The following IMMP1L variants were observed in gnomAD, a reference collection of about 807,000 sequenced individuals.
IMMP1L encodes the protein mitochondrial inner membrane protease subunit 1.
IMMP1L carries 24 observed loss-of-function variants against 21.8 expected under a neutral mutation model. The observed-to-expected ratio is 1.10, with a 90% confidence interval of 0.80 to 1.55. The LOEUF is 1.55. Ranked by LOEUF, IMMP1L falls within the 40% of genes most tolerant of loss-of-function variation. The probability of loss-of-function intolerance (pLI) is 0.00; values close to 1 mark genes in which losing one functional copy is unlikely to be tolerated. For missense variants in IMMP1L, 195 were observed against 200.7 expected (o/e 0.97, Z 0.17); for synonymous variants, 46 against 62.8 (o/e 0.73, Z 1.26).
intron 4 of IMMP1L, chr11:31,437,071 C>T (rs978225324): frequency 2.2e-5 from 9 of 412,236 alleles, no homozygotes; most frequent in Middle Eastern, 3.6e-4. Context: ...AAAACCTCTA[C>T]GTACAGATCT....
intron 1 of IMMP1L, among the ~76,000 whole-genome samples, chr11:31,506,566 T>C (rs1266980522): frequency 1.3e-5 from 2 of 151,900 alleles, no homozygotes; most frequent in Non-Finnish European, 2.9e-5. Flanking sequence ...CCATGAATAC[T>C]TTATTTATTC....
intron 1 of IMMP1L, among the ~76,000 whole-genome samples, chr11:31,470,656 T>C (rs951916874): frequency 6.6e-6 from 1 of 152,292 alleles, no homozygotes; most frequent in South Asian, 2.1e-4. Flanking sequence ...ATCAGTATGT[T>C]GAAGAGATGT....
intron 1 of IMMP1L, among the ~76,000 whole-genome samples, chr11:31,507,810 G>C (rs1030044845): frequency 6.6e-6 from 1 of 152,178 alleles, no homozygotes; most frequent in Non-Finnish European, 1.5e-5. Context: ...TTAAAAAAAT[G>C]TAAACAGTGT....
At chr11:31,449,570 T>G (rs1406987511) in intron 4 of IMMP1L, among the ~76,000 whole-genome samples, 1 of 152,204 alleles carries the variant, frequency 6.6e-6, no homozygotes, top group Non-Finnish European at 1.5e-5. Context: ...TACATCCTGA[T>G]AACACTTAAT....
At chr11:31,473,413 G>A (rs1426240421) in intron 1 of IMMP1L, among the ~76,000 whole-genome samples, 2 of 152,122 alleles carry the variant, frequency 1.3e-5, no homozygotes, top group Non-Finnish European at 2.9e-5. Context: ...ACTATTCAAA[G>A]TCATGCAGCT....
chr11:31,459,824 A>G (rs905806951), intron 3 of IMMP1L, among the ~76,000 whole-genome samples: 2 of 152,098 alleles, frequency 1.3e-5, no homozygotes, highest in Non-Finnish European at 2.9e-5. Context: ...AATATATACA[A>G]TTCCTGGTTC....
At chr11:31,500,298 C>T (rs1022346031) in intron 1 of IMMP1L, among the ~76,000 whole-genome samples, 2 of 151,850 alleles carry the variant, frequency 1.3e-5, no homozygotes, top group African/African-American at 4.8e-5. Context: ...AAAACACGAG[C>T]ATGAGAAAGA....
intron 3 of IMMP1L, among the ~76,000 whole-genome samples, chr11:31,460,100 G>C (rs1326937131): frequency 6.6e-6 from 1 of 151,928 alleles, no homozygotes; most frequent in African/African-American, 2.4e-5. Context: ...GAGGCTGCAG[G>C]GAGCTGAGAT....
At chr11:31,464,152 C>T (rs1954252994) in intron 1 of IMMP1L, among the ~76,000 whole-genome samples, 1 of 151,734 alleles carries the variant, frequency 6.6e-6, no homozygotes, top group Non-Finnish European at 1.5e-5. Context: ...GTAACATCTG[C>T]TTAACATGTC....
intron 1 of IMMP1L, among the ~76,000 whole-genome samples, chr11:31,502,168 G>C (rs376215839): frequency 8.5e-5 from 13 of 152,234 alleles, no homozygotes; most frequent in East Asian, 3.9e-4. Flanking sequence ...ATGTGGAAGA[G>C]ATTATAATTC....
At chr11:31,435,703 CCTTT>C (rs1252539380) in intron 4 of IMMP1L, among the ~76,000 whole-genome samples, 1 of 152,124 alleles carries the variant, frequency 6.6e-6, no homozygotes, top group Non-Finnish European at 1.5e-5. Flanking sequence ...GGATTGATCT[CCTTT>C]TTTTCCCTCA....
At chr11:31,492,220 G>T (rs560188204) in intron 1 of IMMP1L, among the ~76,000 whole-genome samples, 243 of 152,278 alleles carry the variant, frequency 1.6e-3, no homozygotes, top group Non-Finnish European at 2.5e-3. Flanking sequence ...GCTAGATAGA[G>T]GTAACTTGCT....
rs1166651498 is a variant in IMMP1L, at chr11:31,463,295, C to A, written c.-19G>T. The A allele has an allele frequency of 1.3e-6, 2 of 1,574,760 alleles. No individual in the cohort carries two copies. Among genetic ancestry groups the A allele is most frequent in the Non-Finnish European group, 1.7e-6 (2 of 1,167,642 alleles). Reference sequence around the variant, plus strand: ...GAAGCATAGTTCTATGTAGACTCTGCCACCATTGGCCTGATGGTAAATTTC... The same window carrying A: ...GAAGCATAGTTCTATGTAGACTCTGACACCATTGGCCTGATGGTAAATTTC... On this transcript the variant is annotated 5_prime_UTR_variant, in exon 2 of 6. Transcript: ENST00000532287.
intron 1 of IMMP1L, among the ~76,000 whole-genome samples, chr11:31,466,189 C>T (rs1591988675): frequency 6.6e-6 from 1 of 152,098 alleles, no homozygotes; most frequent in East Asian, 1.9e-4. Context: ...CAGGGAAATG[C>T]AAGTCAAAAC....
intron 1 of IMMP1L, among the ~76,000 whole-genome samples, chr11:31,479,407 A>C (rs1381523398): frequency 2.0e-5 from 3 of 152,054 alleles, no homozygotes; most frequent in African/African-American, 4.8e-5. Context: ...GCTATAAAAA[A>C]CTTTATGTAA....
intron 1 of IMMP1L, among the ~76,000 whole-genome samples, chr11:31,481,856 G>C (rs919733677): frequency 6.6e-6 from 1 of 151,854 alleles, no homozygotes; most frequent in African/African-American, 2.4e-5. Flanking sequence ...AAAATCCTAA[G>C]CTTTAAAGAT....
intron 4 of IMMP1L, among the ~76,000 whole-genome samples, chr11:31,445,474 G>C (rs926843796): frequency 6.6e-6 from 1 of 152,174 alleles, no homozygotes; most frequent in African/African-American, 2.4e-5. Context: ...ATTAGAAATA[G>C]ATTACCAGTA....
chr11:31,484,399 A>G lies in IMMP1L; in HGVS notation c.-29-21094T>C, dbSNP rs138257230. Among the ~76,000 whole-genome samples, 106 of 152,052 alleles carry G rather than the reference A, an allele frequency of 7.0e-4. 1 individual carries two copies. Among genetic ancestry groups the G allele is most frequent in the East Asian group, 2.9e-3 (15 of 5,188 alleles). On this transcript the variant is annotated intron_variant, in intron 1 of 5. Coordinates refer to ENST00000532287, the MANE Select transcript of IMMP1L (RefSeq NM_001304274.2). Reference sequence around the variant, plus strand: ...TTGTTTTGAATTCTGCTTTTTCCAAATAACAATGGTATGTGAAAAACTTTC... The same window carrying G: ...TTGTTTTGAATTCTGCTTTTTCCAAGTAACAATGGTATGTGAAAAACTTTC...
intron 4 of IMMP1L, chr11:31,452,858 C>T: frequency 1.5e-6 from 1 of 675,404 alleles, no homozygotes; most frequent in African/African-American, 2.0e-5. Flanking sequence ...TGAAGCGATT[C>T]TCCTGCCTCA....
Sources: allele counts gnomAD v4.1 joint callset (sites outside exome capture counted in the v4.1 genomes callset), GRCh38; gene constraint gnomAD v4.1.1; transcripts MANE v1.5; gene names NCBI Gene and HGNC (gene_info 2026-07-23, HGNC 2026-07-21).